Variants in CREBRF observed in about 807,000 individuals in gnomAD.
CREBRF encodes the protein CREB3 regulatory factor.
CREBRF carries 5 observed loss-of-function variants against 66.1 expected under a neutral mutation model. The ratio of observed to expected loss-of-function variants is 0.08; its 90% CI spans 0.04 to 0.16. The LOEUF (loss-of-function observed/expected upper bound fraction) is 0.16. CREBRF is among the 10% of genes least tolerant of loss of function. The pLI is 1.00. For synonymous variants in CREBRF, 229 were observed against 264.4 expected, an observed-to-expected ratio of 0.87 and a Z score of 1.30; for missense variants, 531 against 744.9, an observed-to-expected ratio of 0.71 and a Z score of 3.34.
At chr5:173,098,443 T>C (rs527284858) in intron 4 of CREBRF, among the ~76,000 whole-genome samples, 1 of 152,302 alleles carries the variant, frequency 6.6e-6, no homozygotes, top group Admixed American at 6.5e-5. Flanking sequence ...TTTCTAGTTA[T>C]ACAGTTGCCA....
intron 1 of CREBRF, among the ~76,000 whole-genome samples, chr5:173,072,511 C>T (rs907718951): frequency 1.3e-5 from 2 of 151,760 alleles, no homozygotes; most frequent in Admixed American, 6.6e-5. Context: ...CTCCTGACCT[C>T]GTGATCTGCC....
intron 6 of CREBRF, 78 bp from the exon 7 acceptor site, chr5:173,112,228 A>G: frequency 9.9e-7 from 1 of 1,010,832 alleles, no homozygotes; most frequent in Non-Finnish European, 1.4e-6. Flanking sequence ...ACATAGCGAG[A>G]CCCCTTCTCC....
At chr5:173,098,816 C>CATT (rs1758541540) in intron 4 of CREBRF, among the ~76,000 whole-genome samples, 1 of 149,810 alleles carries the variant, frequency 6.7e-6, no homozygotes, top group Non-Finnish European at 1.5e-5. Flanking sequence ...CTTGATAAAT[C>CATT]AACAAACCCT....
At chr5:173,094,964 A>G (rs867840269) in intron 4 of CREBRF, among the ~76,000 whole-genome samples, 4 of 152,090 alleles carry the variant, frequency 2.6e-5, no homozygotes, top group Non-Finnish European at 5.9e-5. Flanking sequence ...TCAATATGGT[A>G]TGAGATAAGG....
chr5:173,080,667 A>G lies in CREBRF; in HGVS notation c.-109A>G. The G allele has an allele frequency of 8.8e-7, 1 of 1,135,436 alleles. No individual in the cohort carries two copies. The highest frequency in any genetic ancestry group is 1.3e-6 in the Non-Finnish European group (1 of 758,272). The allele number at this position is 1,135,436 out of a possible 1,614,324, so 70.3% of individuals were successfully genotyped here. ...AGCACTCTGGGGAAACCTGCTGTTT[A>G]TTGTGGAAATCATCTTCGATCTTGG... On this transcript the variant is annotated 5_prime_UTR_variant, in exon 2 of 9. Transcript: ENST00000296953.
chr5:173,060,671 A>G (rs1279969681), intron 1 of CREBRF, among the ~76,000 whole-genome samples: 1 of 151,844 alleles, frequency 6.6e-6, no homozygotes, highest in African/African-American at 2.4e-5. Context: ...TAGACGAGAC[A>G]TAAATTTGTC....
In CREBRF at chr5:173,134,242, C is replaced by T. The variant is rs1172743522; in HGVS notation, c.*497C>T. On this transcript the variant is annotated 3_prime_UTR_variant, in exon 9 of 9. Coordinates refer to ENST00000296953, the MANE Select transcript of CREBRF (RefSeq NM_153607.3). ...GTGGGCCATATTAGATGTTCATTGT[C>T]AGAGCTCAAGATGATATATATAAAT... 6.8e-6 allele frequency: 1 copy of T among 147,548 alleles called. No individual in the cohort carries two copies. The highest frequency in any genetic ancestry group is 1.5e-5 in the Non-Finnish European group (1 of 68,250). 9.1% of individuals were successfully genotyped at this position (147,548 alleles called of 1,614,324 possible).
At chr5:173,083,230 A>G (rs1229442464) in intron 2 of CREBRF, among the ~76,000 whole-genome samples, 2 of 152,078 alleles carry the variant, frequency 1.3e-5, no homozygotes, top group Admixed American at 6.6e-5. Context: ...ATAAATAAAT[A>G]AAAGAAATTT....
At chr5:173,092,272 A>C in intron 4 of CREBRF, 1 of 980,524 alleles carries the variant, frequency 1.0e-6, no homozygotes, top group Non-Finnish European at 1.2e-6. Flanking sequence ...CTAACATTTT[A>C]ATTTACATCG....
chr5:173,107,856 G>A (rs189219862), intron 4 of CREBRF, among the ~76,000 whole-genome samples: 50 of 144,740 alleles, frequency 3.5e-4, no homozygotes, highest in Non-Finnish European at 4.7e-4. Context: ...GACAGAGTGA[G>A]CGTCTCATTC....
chr5:173,126,180 G>A (rs920724049), intron 8 of CREBRF, among the ~76,000 whole-genome samples: 1 of 151,832 alleles, frequency 6.6e-6, no homozygotes, highest in African/African-American at 2.4e-5. Flanking sequence ...TCACTCTGTC[G>A]CCCAGGCTGG....
intron 8 of CREBRF, among the ~76,000 whole-genome samples, chr5:173,129,270 C>A (rs1397133420): frequency 6.6e-6 from 1 of 151,508 alleles, no homozygotes; most frequent in Non-Finnish European, 1.5e-5. Flanking sequence ...GCACCTGCCA[C>A]TGCGCCCGGC....
chr5:173,087,936 G>T (rs1296304805), intron 3 of CREBRF, among the ~76,000 whole-genome samples: 1 of 151,392 alleles, frequency 6.6e-6, no homozygotes, highest in African/African-American at 2.4e-5. Context: ...CGATTCTCCT[G>T]CCTCAGCCTC....
At chr5:173,105,017 T>G (rs182819344) in intron 4 of CREBRF, among the ~76,000 whole-genome samples, 1 of 152,164 alleles carries the variant, frequency 6.6e-6, no homozygotes, top group East Asian at 1.9e-4. Context: ...ACACCTTGAG[T>G]TGTGGGGCCT....
chr5:173,130,013 C>T (rs897292980), intron 8 of CREBRF, among the ~76,000 whole-genome samples: 9 of 151,852 alleles, frequency 5.9e-5, no homozygotes, highest in African/African-American at 1.7e-4. Context: ...TTAGTAGAGA[C>T]GGGGTTTCAC....
At chr5:173,067,983 G>A (rs1226338670) in intron 1 of CREBRF, 19 of 311,916 alleles carry the variant, frequency 6.1e-5, no homozygotes, top group South Asian at 2.0e-4. Context: ...CTGGGCGACA[G>A]AGCGAGACTC....
At chr5:173,116,945 T>C (rs1397541880) in intron 7 of CREBRF, among the ~76,000 whole-genome samples, 2 of 151,522 alleles carry the variant, frequency 1.3e-5, no homozygotes, top group Non-Finnish European at 3.0e-5. Context: ...TGGTATCTCA[T>C]TGTGGTCTTA....
At chr5:173,103,217 G>T (rs1352757857) in intron 4 of CREBRF, among the ~76,000 whole-genome samples, 3 of 152,176 alleles carry the variant, frequency 2.0e-5, no homozygotes, top group African/African-American at 7.2e-5. Flanking sequence ...TCCCAAATTT[G>T]TGGATGGCAT....
intron 1 of CREBRF, among the ~76,000 whole-genome samples, chr5:173,067,518 AT>A (rs1757468163): frequency 6.6e-6 from 1 of 152,122 alleles, no homozygotes; most frequent in Admixed American, 6.6e-5. Context: ...GTCAGATCTA[AT>A]TTTTTCCCCC....
Sources: gnomAD v4.1 joint callset for allele counts (sites outside exome capture counted in the v4.1 genomes callset) on GRCh38, gnomAD v4.1.1 for gene constraint, MANE v1.5 for transcripts, NCBI Gene and HGNC (gene_info 2026-07-23, HGNC 2026-07-21) for gene names.